Variants in QKI observed in about 807,000 individuals in gnomAD.
The protein encoded by QKI is QKI, KH domain containing RNA binding.
A neutral mutation model predicts 39.0 loss-of-function variants in QKI; 10 were observed. The ratio of observed to expected loss-of-function variants is 0.26; its 90% confidence interval spans 0.16 to 0.43. The LOEUF is 0.43. QKI is among the 20% of genes least tolerant of loss of function. QKI has a pLI of 1.00. For missense variants in QKI, 218 were observed against 428.0 expected (o/e 0.51, Z 4.33); for synonymous variants, 204 against 155.4 (o/e 1.31, Z -2.33).
At chr6:163,504,133 G>C (rs1036010006) in intron 3 of QKI, among the ~76,000 whole-genome samples, 1 of 152,046 alleles carries the variant, frequency 6.6e-6, no homozygotes, top group Non-Finnish European at 1.5e-5. Context: ...TATTGAATGG[G>C]GGATCTGTTC....
chr6:163,509,144 T>C (rs1171576933), intron 3 of QKI, among the ~76,000 whole-genome samples: 3 of 149,506 alleles, frequency 2.0e-5, no homozygotes, highest in Admixed American at 2.0e-4. Context: ...TCTCAGTCAG[T>C]CAGTCAATCA....
chr6:163,576,578 A>G lies in QKI; in HGVS notation c.*5868A>G, dbSNP rs181631075. ...TAAAATTTTACTGTGGAAATTGTGT[A>G]TATATATATATATAGTCGAAATAGG... On this transcript the variant is annotated 3_prime_UTR_variant, in exon 8 of 8. Coordinates refer to ENST00000361752, the MANE Select transcript of QKI (RefSeq NM_006775.3). The G allele has an allele frequency of 1.6e-4, 24 of 150,674 alleles. No homozygotes were observed. Among genetic ancestry groups the G allele is most frequent in the Non-Finnish European group, 2.2e-4 (15 of 67,486 alleles). 9.3% of individuals were successfully genotyped at this position (150,674 alleles called of 1,614,324 possible).
At chr6:163,555,749 C>T (rs1019478959) in intron 4 of QKI, among the ~76,000 whole-genome samples, 33 of 151,896 alleles carry the variant, frequency 2.2e-4, no homozygotes, top group African/African-American at 6.3e-4. Context: ...GGCAGTGGTT[C>T]GAATTATTTT....
intron 4 of QKI, among the ~76,000 whole-genome samples, chr6:163,561,681 T>C (rs933577487): frequency 6.6e-6 from 1 of 152,204 alleles, no homozygotes; most frequent in African/African-American, 2.4e-5. Flanking sequence ...TTTAGTCTTA[T>C]CTCACATTTT....
In QKI at chr6:163,552,206, C is replaced by CTTTT. The variant is rs35060699; in HGVS notation, c.547-9757_547-9754dup. On this transcript the variant is annotated intron_variant, in intron 4 of 7. Transcript: ENST00000361752. The stretch of plus-strand genomic sequence containing the variant: ...TGGATCATCATAAAGTTCGTTCGTT[C>CTTTT]TTTTTTTTTTTTTTTTTTTTTTGAC... Among the ~76,000 whole-genome samples, 172 of 101,722 alleles carry CTTTT rather than the reference C, an allele frequency of 1.7e-3. 3 individuals are homozygous for CTTTT. Among genetic ancestry groups the CTTTT allele is most frequent in the South Asian group, 3.9e-3 (11 of 2,804 alleles). The allele number at this position is 101,722 out of a possible 152,430, so 66.7% of individuals were successfully genotyped here.
At chr6:163,547,518 C>G (rs1317720592) in intron 4 of QKI, among the ~76,000 whole-genome samples, 1 of 152,178 alleles carries the variant, frequency 6.6e-6, no homozygotes, top group East Asian at 1.9e-4. Flanking sequence ...ATCTGGAATT[C>G]CAAATCAACC....
At chr6:163,492,195 A>C (rs532226060) in intron 3 of QKI, among the ~76,000 whole-genome samples, 1 of 152,302 alleles carries the variant, frequency 6.6e-6, no homozygotes, top group South Asian at 2.1e-4. Context: ...TTTTCAGTCT[A>C]ATATATTAAC....
At chr6:163,419,088 T>G (rs1787781490) in intron 1 of QKI, among the ~76,000 whole-genome samples, 2 of 152,078 alleles carry the variant, frequency 1.3e-5, no homozygotes, top group African/African-American at 4.8e-5. Context: ...GATTTGAAAA[T>G]ATATTTTCAT....
chr6:163,532,403 G>A (rs112051356), intron 3 of QKI, among the ~76,000 whole-genome samples: 3,285 of 152,208 alleles, frequency 0.022, 59 homozygotes, highest in Non-Finnish European at 0.034. Flanking sequence ...TTGCTGCTTT[G>A]CATGCCCGTT....
chr6:163,520,666 T>C (rs1434144241), intron 3 of QKI, among the ~76,000 whole-genome samples: 1 of 152,176 alleles, frequency 6.6e-6, no homozygotes, highest in Non-Finnish European at 1.5e-5. Context: ...GCAACATCAT[T>C]GAAGAATGAT....
intron 2 of QKI, among the ~76,000 whole-genome samples, chr6:163,465,741 A>C (rs1791692019): frequency 1.3e-5 from 2 of 152,170 alleles, no homozygotes; most frequent in Admixed American, 1.3e-4. Context: ...TCATCAAGAA[A>C]TCTGTTCACT....
intron 1 of QKI, among the ~76,000 whole-genome samples, chr6:163,419,018 C>A (rs1562412004): frequency 1.3e-5 from 2 of 152,000 alleles, no homozygotes; most frequent in African/African-American, 4.8e-5. Flanking sequence ...TCGTGGATAT[C>A]AGAAAAATTA....
intron 2 of QKI, among the ~76,000 whole-genome samples, chr6:163,458,847 C>T (rs1315147110): frequency 6.6e-6 from 1 of 152,046 alleles, no homozygotes; most frequent in African/African-American, 2.4e-5. Context: ...CCAAGCACAT[C>T]CTAGGTAAGA....
At chr6:163,456,020 A>T (rs974869193) in intron 2 of QKI, among the ~76,000 whole-genome samples, 1 of 152,008 alleles carries the variant, frequency 6.6e-6, no homozygotes, top group African/African-American at 2.4e-5. Context: ...ATCTTAAATG[A>T]TTTTCCCTCT....
At chr6:163,538,778 G>A (rs556937849) in intron 4 of QKI, among the ~76,000 whole-genome samples, 2 of 152,308 alleles carry the variant, frequency 1.3e-5, no homozygotes, top group Non-Finnish European at 2.9e-5. Flanking sequence ...GTGCTGAGAA[G>A]TAGTAAGATC....
chr6:163,490,447 G>A (rs996644166), intron 3 of QKI, among the ~76,000 whole-genome samples: 9 of 152,206 alleles, frequency 5.9e-5, no homozygotes, highest in Non-Finnish European at 1.2e-4. Flanking sequence ...GAAGTAATGT[G>A]TTCTTTGAAG....
chr6:163,478,055 AGCCCGTTTTTCCTATTG>A (rs1792763807), intron 2 of QKI, among the ~76,000 whole-genome samples: 2 of 152,232 alleles, frequency 1.3e-5, no homozygotes, highest in Admixed American at 6.5e-5. Context: ...TTCACGATTT[AGCCCGTTTTTCCTATTG>A]GCTTTAAAGA....
intron 1 of QKI, among the ~76,000 whole-genome samples, chr6:163,427,091 C>T (rs990145381): frequency 6.6e-6 from 1 of 152,070 alleles, no homozygotes. Flanking sequence ...GTATGAAATA[C>T]TTGAATTTAG....
chr6:163,427,836 A>G (rs1316293333), intron 1 of QKI, among the ~76,000 whole-genome samples: 1 of 152,222 alleles, frequency 6.6e-6, no homozygotes, highest in African/African-American at 2.4e-5. Flanking sequence ...TCTTCTGAAT[A>G]ATATCAGTAA....
Sources: allele counts gnomAD v4.1 joint callset (sites outside exome capture counted in the v4.1 genomes callset), GRCh38; gene constraint gnomAD v4.1.1; transcripts MANE v1.5; gene names NCBI Gene and HGNC (gene_info 2026-07-23, HGNC 2026-07-21).